XPNPEP1: variants seen among roughly 807,000 people sequenced by gnomAD.
XPNPEP1 encodes the protein xaa-Pro aminopeptidase 1.
Under a neutral mutation model 92.4 loss-of-function variants are expected in XPNPEP1, and 39 were observed. The observed-to-expected ratio is 0.42, with a 90% CI of 0.33 to 0.55. The LOEUF is 0.55. Among genes scored for constraint, XPNPEP1 ranks in the 20% least tolerant of loss-of-function variants. The pLI, the probability that XPNPEP1 is intolerant of heterozygous loss-of-function variation, is 0.08. For synonymous variants in XPNPEP1, 307 were observed against 299.4 expected (o/e 1.03, Z -0.26); for missense variants, 654 against 856.1 (o/e 0.76, Z 2.95).
intron 7 of XPNPEP1, among the ~76,000 whole-genome samples, chr10:109,887,263 C>A (rs2133424367): frequency 6.6e-6 from 1 of 152,362 alleles, no homozygotes; most frequent in Middle Eastern, 3.4e-3. Context: ...GGGCCACTCA[C>A]TGGACCCATC....
At chr10:109,878,251 C>G (rs771461271) in intron 12 of XPNPEP1, 193 bp from the exon 13 acceptor site, 11 of 583,250 alleles carry the variant, frequency 1.9e-5, no homozygotes, top group Non-Finnish European at 3.0e-5. Context: ...CCAATAGTTT[C>G]TATTCATTTA....
rs555494211 is a variant in XPNPEP1 at position 109,904,852 on chromosome 10, A to G, written c.246+2839T>C. Among the ~76,000 whole-genome samples, 33 of 152,324 alleles carry G rather than the reference A, an allele frequency of 2.2e-4. No homozygotes were observed. The South Asian group carries it at 4.6e-3, about 21-fold the overall frequency. On this transcript the variant is annotated intron_variant, in intron 3 of 20. Coordinates refer to ENST00000502935, the MANE Select transcript of XPNPEP1 (RefSeq NM_020383.4). Reference sequence around the variant, plus strand: ...CAGGTGCTGCAGAAAACAGTATGGAAGTTCCCCCAAAAATTAAAAATAGAA... The same window carrying G: ...CAGGTGCTGCAGAAAACAGTATGGAGGTTCCCCCAAAAATTAAAAATAGAA...
intron 4 of XPNPEP1, chr10:109,892,451 G>A (rs1848753785): frequency 6.4e-6 from 1 of 156,474 alleles, no homozygotes; most frequent in Admixed American, 6.2e-5. Context: ...GAGGGGAGGG[G>A]AGCTCCCACC....
Position 109,893,284 on chromosome 10 carries a change from C to T in XPNPEP1, c.247-209G>A, listed in dbSNP as rs11194903. The stretch of plus-strand genomic sequence containing the variant: ...TAATTAAGGGCAGAGAGAGCTGTTC[C>T]CTTTAGCCTCTATTTCCTCATTAGG... On this transcript the variant is annotated intron_variant, in intron 3 of 20. Transcript: ENST00000502935. 1,466 of 461,522 alleles carry T rather than the reference C, an allele frequency of 3.2e-3. 22 individuals are homozygous for T. The highest frequency in any genetic ancestry group is 0.026 in the African/African-American group (1,314 of 51,130). The allele number at this position is 461,522 out of a possible 1,614,324, so 28.6% of individuals were successfully genotyped here.
chr10:109,908,499 G>A (rs535109953), intron 2 of XPNPEP1, among the ~76,000 whole-genome samples: 2 of 152,316 alleles, frequency 1.3e-5, no homozygotes, highest in East Asian at 3.9e-4. Context: ...CTACTCCGGA[G>A]GCTGAGGCAG....
intron 3 of XPNPEP1, among the ~76,000 whole-genome samples, chr10:109,896,748 T>C (rs1849015047): frequency 6.6e-6 from 1 of 151,918 alleles, no homozygotes; most frequent in South Asian, 2.1e-4. Context: ...GAAAGAGACA[T>C]GAAGCTTTTC....
intron 3 of XPNPEP1, 76 bp from the exon 4 acceptor site, chr10:109,893,151 T>A: frequency 2.1e-6 from 3 of 1,422,326 alleles, no homozygotes; most frequent in Non-Finnish European, 2.9e-6. Flanking sequence ...AGCCTTGTGC[T>A]AGGCTCAGCG....
Position 109,907,680 on chromosome 10 carries a change from C to T in XPNPEP1, c.246+11G>A. The T allele has an allele frequency of 5.6e-6, 9 of 1,614,114 alleles. No homozygotes were observed. Among genetic ancestry groups the T allele is most frequent in the Non-Finnish European group, 5.9e-6 (7 of 1,179,988 alleles). On this transcript the variant is annotated intron_variant, in intron 3 of 20. Transcript: ENST00000502935. ...CTGAAAAGAAAGGAGAGGCCCATTG[C>T]CATGCAGTACCTGATGAGCATCTCC...
chr10:109,911,578 A>T (rs765215258), intron 2 of XPNPEP1, among the ~76,000 whole-genome samples: 1 of 152,190 alleles, frequency 6.6e-6, no homozygotes, highest in Non-Finnish European at 1.5e-5. Flanking sequence ...TTTTACTCTG[A>T]TATCTTTCAG....
intron 2 of XPNPEP1, among the ~76,000 whole-genome samples, chr10:109,913,109 G>A (rs1473260575): frequency 3.9e-5 from 6 of 152,210 alleles, no homozygotes; most frequent in Non-Finnish European, 4.4e-5. Context: ...ACACTGCCAG[G>A]TATTTTCAAA....
intron 3 of XPNPEP1, among the ~76,000 whole-genome samples, chr10:109,899,915 C>T (rs1849189439): frequency 2.0e-5 from 3 of 152,190 alleles, no homozygotes; most frequent in Non-Finnish European, 2.9e-5. Context: ...GTGGTGCCCA[C>T]GAATCCCAAT....
At chr10:109,865,407 C>T in intron 20 of XPNPEP1, 95 bp from the exon 21 acceptor site, 1 of 1,531,038 alleles carries the variant, frequency 6.5e-7, no homozygotes, top group African/African-American at 1.4e-5. Context: ...GTGCTAAGAT[C>T]ACAAGCTGAG....
At chr10:109,873,689 A>G in intron 15 of XPNPEP1, 1 of 485,768 alleles carries the variant, frequency 2.1e-6, no homozygotes, top group Non-Finnish European at 3.7e-6. Flanking sequence ...GAAGGTTCAC[A>G]GCCACATTAT....
In XPNPEP1 at chr10:109,873,433, C is replaced by T. The variant is rs560321692; in HGVS notation, c.1392-6G>A. On this transcript the variant is annotated splice_polypyrimidine_tract_variant and splice_region_variant and intron_variant, in intron 15 of 20. Coordinates refer to ENST00000502935, the MANE Select transcript of XPNPEP1 (RefSeq NM_020383.4). ...TCACATCTGTGGTGCCATCCCTTTC[C>T]AAAAAAAGGACAAATTGGTTTCCCG... is the stretch of plus-strand genomic sequence containing the variant. 6.2e-7 allele frequency: 1 copy of T among 1,613,726 alleles called. No individual in the cohort carries two copies. Among genetic ancestry groups the T allele is most frequent in the South Asian group, 1.1e-5 (1 of 91,048 alleles).
Position 109,880,805 on chromosome 10 carries a change from CT to C in XPNPEP1, c.1131+36del, listed in dbSNP as rs756954955. 3 of 1,605,600 alleles carry C rather than the reference CT, an allele frequency of 1.9e-6. No individual in the cohort carries two copies. The East Asian group carries it at 6.7e-5, about 36-fold the overall frequency. On this transcript the variant is annotated intron_variant, in intron 11 of 20. Transcript: ENST00000502935. ...TGAAGGAGCCGGGCCTTCTGACCAC[CT>C]CACATCCCATCTTCTGCACCAGCTC...
At chr10:109,906,543 A>G (rs1849569175) in intron 3 of XPNPEP1, among the ~76,000 whole-genome samples, 1 of 152,158 alleles carries the variant, frequency 6.6e-6, no homozygotes, top group Non-Finnish European at 1.5e-5. Context: ...ACCATTCACA[A>G]TCTGGAGTTG....
chr10:109,866,039 G>A (rs1161236611), intron 20 of XPNPEP1, among the ~76,000 whole-genome samples: 1 of 152,120 alleles, frequency 6.6e-6, no homozygotes, highest in Non-Finnish European at 1.5e-5. Context: ...ACGGGAAAAG[G>A]TGAAGTCTGG....
intron 5 of XPNPEP1, among the ~76,000 whole-genome samples, chr10:109,890,665 T>A (rs1464068668): frequency 6.6e-6 from 1 of 151,966 alleles, no homozygotes; most frequent in Non-Finnish European, 1.5e-5. Flanking sequence ...GGCAACAATC[T>A]GTAGCTTTGG....
In XPNPEP1 at chr10:109,882,587, G is replaced by A; in HGVS notation, c.886C>T (p.Leu296Phe). The A allele has an allele frequency of 1.9e-6, 3 of 1,614,206 alleles. No individual in the cohort carries two copies. Among genetic ancestry groups the A allele is most frequent in the Non-Finnish European group, 2.5e-6 (3 of 1,180,032 alleles). The stretch of plus-strand genomic sequence containing the variant: ...TATTCGGCTTCCAGACCCAAGTCAA[G>A]AAGCAGGTGCTCCTTCACACTGGGG... ...DAPSVKEHLLLDLGLEAEYRI... is the reference protein window; with the variant it reads ...DAPSVKEHLLFDLGLEAEYRI... Residue 296 changes from leucine to phenylalanine, a missense_variant, in exon 10 of 21, where the codon CTT becomes TTT. By Grantham distance (22) the Leu-to-Phe change is conservative. Transcript: ENST00000502935.
Sources: gnomAD v4.1 joint callset for allele counts (sites outside exome capture counted in the v4.1 genomes callset) on GRCh38, gnomAD v4.1.1 for gene constraint, MANE v1.5 for transcripts, NCBI Gene and HGNC (gene_info 2026-07-23, HGNC 2026-07-21) for gene names.